Variants in HS3ST5 observed in about 807,000 individuals in gnomAD.
HS3ST5 encodes the protein heparan sulfate glucosamine 3-O-sulfotransferase 5.
HS3ST5 carries 10 observed loss-of-function variants against 25.4 expected under a neutral mutation model. The ratio of observed to expected loss-of-function variants is 0.39; its 90% CI spans 0.24 to 0.67. HS3ST5 has a LOEUF of 0.67. Among genes scored for constraint, HS3ST5 ranks in the 30% least tolerant of loss-of-function variants. The probability of loss-of-function intolerance (pLI) is 0.44; values close to 1 mark genes in which losing one functional copy is unlikely to be tolerated. For missense variants in HS3ST5, 324 were observed against 420.7 expected (o/e 0.77, Z 2.01); for synonymous variants, 170 against 162.4 (o/e 1.05, Z -0.36).
At chr6:114,141,320 T>C (rs981241621) in intron 3 of HS3ST5, among the ~76,000 whole-genome samples, 1 of 152,220 alleles carries the variant, frequency 6.6e-6, no homozygotes, top group African/African-American at 2.4e-5. Context: ...ATCATGTAAA[T>C]ATGGATACTA....
intron 2 of HS3ST5, among the ~76,000 whole-genome samples, chr6:114,204,435 T>C (rs1436042938): frequency 6.6e-6 from 1 of 152,210 alleles, no homozygotes; most frequent in Non-Finnish European, 1.5e-5. Flanking sequence ...TCTTCCTTAC[T>C]AAGTCACAAC....
At chr6:114,173,260 A>G (rs147601784) in intron 2 of HS3ST5, among the ~76,000 whole-genome samples, 2 of 152,218 alleles carry the variant, frequency 1.3e-5, no homozygotes, top group Admixed American at 6.5e-5. Flanking sequence ...GTAATGCTAC[A>G]ATCTATTTTA....
chr6:114,300,998 T>C (rs1328943391), intron 1 of HS3ST5, among the ~76,000 whole-genome samples: 5 of 152,092 alleles, frequency 3.3e-5, no homozygotes, highest in Non-Finnish European at 7.4e-5. Flanking sequence ...AGCTAGTACG[T>C]TGGAGTGGGG....
intron 3 of HS3ST5, among the ~76,000 whole-genome samples, chr6:114,099,361 GTT>G (rs1257175315): frequency 6.6e-6 from 1 of 152,116 alleles, no homozygotes; most frequent in Non-Finnish European, 1.5e-5. Context: ...TCTTCTGAAA[GTT>G]TTTGTTACAG....
chr6:114,211,285 G>A (rs1162246198), intron 2 of HS3ST5, among the ~76,000 whole-genome samples: 2 of 152,082 alleles, frequency 1.3e-5, no homozygotes, highest in African/African-American at 4.8e-5. Flanking sequence ...TGGAGAATGG[G>A]ACTTTACATT....
At chr6:114,341,683 C>T (rs921634684) in intron 1 of HS3ST5, among the ~76,000 whole-genome samples, 1 of 151,858 alleles carries the variant, frequency 6.6e-6, no homozygotes, top group Non-Finnish European at 1.5e-5. Context: ...GAGAAAACCC[C>T]ACCCACATGT....
chr6:114,170,174 A>C (rs1779410887), intron 2 of HS3ST5, among the ~76,000 whole-genome samples: 1 of 152,176 alleles, frequency 6.6e-6, no homozygotes, highest in Admixed American at 6.5e-5. Flanking sequence ...AACATTTATT[A>C]AGTGTCAGAG....
At chr6:114,243,319 C>T (rs2114595326) in intron 1 of HS3ST5, among the ~76,000 whole-genome samples, 1 of 152,328 alleles carries the variant, frequency 6.6e-6, no homozygotes, top group South Asian at 2.1e-4. Flanking sequence ...ATCATCAGAA[C>T]TGAACTGAGT....
chr6:114,249,522 G>A (rs1772544712), intron 1 of HS3ST5, among the ~76,000 whole-genome samples: 2 of 152,180 alleles, frequency 1.3e-5, no homozygotes, highest in African/African-American at 2.4e-5. Flanking sequence ...CTCCTCTTTA[G>A]AACTGAGGAG....
chr6:114,308,635 T>G (rs2114835620), intron 1 of HS3ST5, among the ~76,000 whole-genome samples: 1 of 152,042 alleles, frequency 6.6e-6, no homozygotes, highest in Middle Eastern at 3.4e-3. Context: ...CACTGAACAT[T>G]TGAGTAGAGT....
chr6:114,289,230 T>C (rs188483586), intron 1 of HS3ST5, among the ~76,000 whole-genome samples: 22 of 152,086 alleles, frequency 1.4e-4, no homozygotes, highest in Non-Finnish European at 2.9e-5. Context: ...CTAAAGACAA[T>C]TCAGTCACAG....
At chr6:114,113,650 CA>C (rs1415426371) in intron 3 of HS3ST5, among the ~76,000 whole-genome samples, 1 of 151,850 alleles carries the variant, frequency 6.6e-6, no homozygotes, top group Non-Finnish European at 1.5e-5. Context: ...TATCAGTATC[CA>C]AACTCTCACT....
intron 1 of HS3ST5, among the ~76,000 whole-genome samples, chr6:114,288,304 T>C (rs1388605179): frequency 1.3e-5 from 2 of 152,032 alleles, no homozygotes; most frequent in African/African-American, 4.8e-5. Flanking sequence ...ATTCACTGGG[T>C]AAGTTTCTAC....
intron 1 of HS3ST5, among the ~76,000 whole-genome samples, chr6:114,321,677 C>T (rs2114881899): frequency 6.6e-6 from 1 of 152,156 alleles, no homozygotes; most frequent in African/African-American, 2.4e-5. Flanking sequence ...ATCAACATAA[C>T]ATAAAGTCTA....
chr6:114,224,685 TAC>T (rs1782202666), intron 2 of HS3ST5, among the ~76,000 whole-genome samples: 1 of 126,702 alleles, frequency 7.9e-6, no homozygotes, highest in African/African-American at 2.8e-5. Flanking sequence ...CATATATATA[TAC>T]ATATATATAT....
intron 1 of HS3ST5, among the ~76,000 whole-genome samples, chr6:114,264,814 G>A (rs1773333491): frequency 1.3e-5 from 2 of 152,086 alleles, no homozygotes; most frequent in South Asian, 2.1e-4. Flanking sequence ...GAAAAATCCA[G>A]GAAAACTGAT....
At chr6:114,065,562 T>C (rs567483484) in intron 3 of HS3ST5, among the ~76,000 whole-genome samples, 12 of 152,326 alleles carry the variant, frequency 7.9e-5, no homozygotes, top group African/African-American at 2.9e-4. Flanking sequence ...CCCCATTCCA[T>C]AGTGCTGTAG....
At chr6:114,307,372 A>G (rs1775341708) in intron 1 of HS3ST5, among the ~76,000 whole-genome samples, 1 of 149,578 alleles carries the variant, frequency 6.7e-6, no homozygotes, top group Admixed American at 6.7e-5. Context: ...TTTTTTTTCC[A>G]TCTAGTAATC....
rs59862071 is a variant in HS3ST5, at chr6:114,141,858, TTGTGTGTGTGTGTG to T, written c.-33+26479_-33+26492del. On this transcript the variant is annotated intron_variant, in intron 3 of 4. Coordinates refer to ENST00000312719, the MANE Select transcript of HS3ST5 (RefSeq NM_153612.4). ...TTTCTGCTCTATCTAAGATGATAGTTTGTGTGTGTGTGTGTGTGTGTGTGTGTGTGTGTGTGTGT... is the reference window on the plus strand; with the variant it reads ...TTTCTGCTCTATCTAAGATGATAGTTTGTGTGTGTGTGTGTGTGTGTGTGT... Among the ~76,000 whole-genome samples the T allele has an allele frequency of 9.4e-3, 1,323 of 141,364 alleles. 23 individuals are homozygous for T. Among genetic ancestry groups the T allele is most frequent in the African/African-American group, 0.033 (1,258 of 38,212 alleles). 92.7% of individuals were successfully genotyped at this position (141,364 alleles called of 152,430 possible).
Sources: gnomAD v4.1 joint callset for allele counts (sites outside exome capture counted in the v4.1 genomes callset) on GRCh38, gnomAD v4.1.1 for gene constraint, MANE v1.5 for transcripts, NCBI Gene and HGNC (gene_info 2026-07-23, HGNC 2026-07-21) for gene names.